The following MAPK10 variants were observed in gnomAD, a reference collection of about 807,000 sequenced individuals.
The protein encoded by MAPK10 is JNK3 alpha protein kinase.
In MAPK10, 25 loss-of-function variants were observed where a neutral mutation model predicts 59.3. The observed-to-expected ratio is 0.42, with a 90% CI of 0.31 to 0.59. The LOEUF is 0.59. MAPK10 is among the 20% of genes least tolerant of loss of function. The probability of loss-of-function intolerance (pLI) is 0.15; values close to 1 mark genes in which losing one functional copy is unlikely to be tolerated. For missense variants in MAPK10, 351 were observed against 568.9 expected, an observed-to-expected ratio of 0.62 and a Z score of 3.90; for synonymous variants, 190 against 200.5, an observed-to-expected ratio of 0.95 and a Z score of 0.44.
At chr4:86,344,240 C>G (rs1433310509) in intron 2 of MAPK10, among the ~76,000 whole-genome samples, 1 of 152,118 alleles carries the variant, frequency 6.6e-6, no homozygotes, top group Non-Finnish European at 1.5e-5. Context: ...AATTCTATCC[C>G]CTCAGCTTCC....
At chr4:86,582,039 T>G (rs2149113087) in intron 1 of MAPK10, among the ~76,000 whole-genome samples, 1 of 150,424 alleles carries the variant, frequency 6.6e-6, no homozygotes, top group East Asian at 2.0e-4. Context: ...ATTTATCAGG[T>G]GCCAAGTGTA....
chr4:86,074,408 T>G (rs973972714), intron 9 of MAPK10, among the ~76,000 whole-genome samples: 6 of 151,308 alleles, frequency 4.0e-5, no homozygotes, highest in African/African-American at 1.5e-4. Context: ...AAGTTAATAT[T>G]GTTATGTGTG....
chr4:86,171,162 G>T (rs564205395), intron 3 of MAPK10: 2 of 151,424 alleles, frequency 1.3e-5, no homozygotes, highest in Non-Finnish European at 3.0e-5. Flanking sequence ...ACAATTAAAA[G>T]AACTAGAAAA....
chr4:86,462,680 C>T (rs1254011362), intron 1 of MAPK10, among the ~76,000 whole-genome samples: 2 of 152,020 alleles, frequency 1.3e-5, no homozygotes, highest in Non-Finnish European at 2.9e-5. Context: ...TGATGGACAA[C>T]CTGGGAATAT....
At chr4:86,448,213 A>G (rs1750270527) in intron 1 of MAPK10, among the ~76,000 whole-genome samples, 1 of 152,138 alleles carries the variant, frequency 6.6e-6, no homozygotes, top group South Asian at 2.1e-4. Flanking sequence ...TTTCCTTTTC[A>G]TTAATATACT....
At chr4:86,109,284 T>C (rs150946543) in intron 4 of MAPK10, among the ~76,000 whole-genome samples, 1,646 of 152,308 alleles carry the variant, frequency 0.011, 28 homozygotes, top group African/African-American at 0.036. Flanking sequence ...GTTTGTTACA[T>C]TGGTAAATGT....
chr4:86,294,263 C>T (rs796680025), intron 2 of MAPK10, among the ~76,000 whole-genome samples: 7 of 152,250 alleles, frequency 4.6e-5, no homozygotes, highest in African/African-American at 1.7e-4. Context: ...ATCCATGTTT[C>T]CTGGGATCAC....
chr4:86,430,878 C>T (rs566830993), intron 1 of MAPK10, among the ~76,000 whole-genome samples: 5 of 152,112 alleles, frequency 3.3e-5, no homozygotes, highest in Non-Finnish European at 5.9e-5. Flanking sequence ...CTGAGAACAA[C>T]GGAAAAACCA....
intron 2 of MAPK10, among the ~76,000 whole-genome samples, chr4:86,255,098 G>A (rs199893419): frequency 1.3e-5 from 2 of 151,022 alleles, no homozygotes; most frequent in African/African-American, 2.4e-5. Flanking sequence ...AAGAAAAAAA[G>A]AAAAAAAAGA....
At chr4:86,111,657 A>G (rs1236493368) in intron 4 of MAPK10, among the ~76,000 whole-genome samples, 5 of 152,290 alleles carry the variant, frequency 3.3e-5, no homozygotes, top group Middle Eastern at 3.4e-3. Context: ...TTTTGCATCA[A>G]TGCTAATCAG....
chr4:86,387,563 C>T (rs1462345650), intron 1 of MAPK10, among the ~76,000 whole-genome samples: 8 of 152,150 alleles, frequency 5.3e-5, no homozygotes, highest in African/African-American at 1.2e-4. Context: ...AGTCCCTGAC[C>T]ACTTAACTCT....
intron 1 of MAPK10, among the ~76,000 whole-genome samples, chr4:86,551,640 C>G (rs1759797874): frequency 3.3e-5 from 5 of 151,996 alleles, no homozygotes; most frequent in Admixed American, 1.3e-4. Context: ...GAGTCTCACT[C>G]TATCACCCAG....
At chr4:86,021,304 G>C (rs34725089) in intron 13 of MAPK10, among the ~76,000 whole-genome samples, 19,885 of 134,740 alleles carry the variant, frequency 0.15, 504 homozygotes, top group African/African-American at 0.26. Context: ...ACAGAGTGTC[G>C]ATTGGTGCAC....
At chr4:86,269,956 G>A (rs1333776107) in intron 2 of MAPK10, among the ~76,000 whole-genome samples, 2 of 152,022 alleles carry the variant, frequency 1.3e-5, no homozygotes, top group Non-Finnish European at 2.9e-5. Context: ...CCTGTGAATT[G>A]TATATTATAG....
Position 86,101,907 on chromosome 4 carries a change from C to A in MAPK10, c.551G>T (p.Gly184Val). Residue 184 changes from glycine to valine, a missense_variant, in exon 7 of 14, where the codon GGA becomes GTA. Physicochemically the swap from Gly to Val is moderately radical, Grantham distance 109 (BLOSUM62 -3). This residue lies in a region of MAPK10 where 76 missense variants were observed against 197.9 expected (regional missense o/e 0.38). Coordinates refer to ENST00000641462, the MANE Select transcript of MAPK10 (RefSeq NM_138982.4). ...AGGTGTTCTTACCCTGTGAATAATT[C>A]CAGCAGAATGGAGGTGCTTAATGCC... ...LCGIKHLHSA[G>V]IIHRDLKPSN... 1 of 1,613,954 alleles carries A rather than the reference C, an allele frequency of 6.2e-7. No homozygotes were observed. The highest frequency in any genetic ancestry group is 8.5e-7 in the Non-Finnish European group (1 of 1,179,902).
At chr4:86,543,526 T>C (rs956505597) in intron 1 of MAPK10, among the ~76,000 whole-genome samples, 1 of 152,212 alleles carries the variant, frequency 6.6e-6, no homozygotes, top group Admixed American at 6.5e-5. Flanking sequence ...CTTAGCTCTG[T>C]GTCATAAAAA....
chr4:86,369,964 G>A (rs974036145), intron 1 of MAPK10, among the ~76,000 whole-genome samples: 8 of 152,112 alleles, frequency 5.3e-5, no homozygotes, highest in Non-Finnish European at 7.4e-5. Flanking sequence ...ATTAGATAAT[G>A]TATGTGACAG....
intron 1 of MAPK10, among the ~76,000 whole-genome samples, chr4:86,501,138 A>C (rs1434892609): frequency 2.9e-5 from 4 of 138,490 alleles, no homozygotes; most frequent in Admixed American, 2.2e-4. Context: ...AAAAAAAAAA[A>C]AACTTTTAAT....
At chr4:86,148,140 A>C (rs2065460194) in intron 4 of MAPK10, among the ~76,000 whole-genome samples, 1 of 152,256 alleles carries the variant, frequency 6.6e-6, no homozygotes, top group Non-Finnish European at 1.5e-5. Flanking sequence ...TAGCAATAAA[A>C]ATATAAAGAG....
Sources: gnomAD v4.1 joint callset for allele counts (sites outside exome capture counted in the v4.1 genomes callset) on GRCh38, gnomAD v4.1.1 for gene constraint, gnomAD v4.1.1 regional missense constraint, MANE v1.5 for transcripts, NCBI Gene and HGNC (gene_info 2026-07-23, HGNC 2026-07-21) for gene names.